ERICH1: variants seen among roughly 807,000 people sequenced by gnomAD.
ERICH1 encodes glutamate rich 1.
ERICH1 carries 56 observed loss-of-function variants against 39.6 expected under a neutral mutation model. The ratio of observed to expected loss-of-function variants is 1.41; its 90% CI spans 1.14 to 1.77. ERICH1 has a LOEUF of 1.77. Ranked by LOEUF, ERICH1 falls within the 40% of genes most tolerant of loss-of-function variation. ERICH1 has a pLI of 0.00. For missense variants in ERICH1, 826 were observed against 575.4 expected, an observed-to-expected ratio of 1.44 and a Z score of -4.45; for synonymous variants, 313 against 223.6, an observed-to-expected ratio of 1.40 and a Z score of -3.57.
In ERICH1 at chr8:720,852, A is replaced by G. The variant is rs1347488648; in HGVS notation, c.23-4845T>C. ...CCCACACACTCCTGGAGGTCACCGT[A>G]TCTGCTCCTTCGCTGGAATGAGCCT... On this transcript the variant is annotated intron_variant, in intron 1 of 5. Coordinates refer to ENST00000262109, the MANE Select transcript of ERICH1 (RefSeq NM_207332.3). 2.0e-5 allele frequency among the ~76,000 whole-genome samples: 3 copies of G among 152,208 alleles called. No homozygotes were observed. In the East Asian group the frequency reaches 5.8e-4, roughly 29 times the overall value.
At chr8:617,371 G>A (rs1433185443) in intron 3 of ERICH1, among the ~76,000 whole-genome samples, 1 of 152,310 alleles carries the variant, frequency 6.6e-6, no homozygotes, top group African/African-American at 2.4e-5. Context: ...CTCCATGCCT[G>A]CCTCACCGTT....
At chr8:628,766 G>A (rs1330847963) in intron 3 of ERICH1, among the ~76,000 whole-genome samples, 2 of 152,192 alleles carry the variant, frequency 1.3e-5, no homozygotes, top group East Asian at 3.8e-4. Context: ...CTGCAGCCCT[G>A]GGGTGAAAAT....
intron 3 of ERICH1, among the ~76,000 whole-genome samples, chr8:682,428 G>A (rs1029359977): frequency 9.2e-5 from 14 of 152,270 alleles, no homozygotes; most frequent in African/African-American, 3.4e-4. Context: ...GCTCTGACAC[G>A]GGCCCTTTTA....
intron 3 of ERICH1, among the ~76,000 whole-genome samples, chr8:622,084 G>A (rs1797317163): frequency 6.6e-6 from 1 of 152,110 alleles, no homozygotes; most frequent in South Asian, 2.1e-4. Flanking sequence ...ACCAAGCGTG[G>A]TGGCATGTGC....
chr8:730,339 T>C (rs1456900968), intron 1 of ERICH1, among the ~76,000 whole-genome samples: 1 of 152,240 alleles, frequency 6.6e-6, no homozygotes, highest in Admixed American at 6.5e-5. Context: ...TTTATAACTA[T>C]AGTTTGCCAT....
chr8:723,140 C>A (rs1193721838), intron 1 of ERICH1, among the ~76,000 whole-genome samples: 1 of 152,152 alleles, frequency 6.6e-6, no homozygotes, highest in African/African-American at 2.4e-5. Flanking sequence ...CACCTTCTCC[C>A]GCTCTCCCTC....
Position 708,681 on chromosome 8 carries a change from G to GTTTTTTTTTTTTT in ERICH1, c.169+7167_169+7179dup, listed in dbSNP as rs139731216. Among the ~76,000 whole-genome samples the GTTTTTTTTTTTTT allele has an allele frequency of 9.0e-4, 59 of 65,756 alleles. 8 individuals are homozygous for GTTTTTTTTTTTTT. The highest frequency in any genetic ancestry group is 1.9e-3 in the South Asian group (3 of 1,616). The allele number at this position is 65,756 out of a possible 152,430, so 43.1% of individuals were successfully genotyped here. ...GGGCTGAGTGGTTACGGGATAATGA[G>GTTTTTTTTTTTTT]TTTTTTTTTTTTTTTTTTTTTTTTT... On this transcript the variant is annotated intron_variant, in intron 2 of 5. Coordinates refer to ENST00000262109, the MANE Select transcript of ERICH1 (RefSeq NM_207332.3).
At chr8:630,536 G>C (rs1394986586) in intron 3 of ERICH1, among the ~76,000 whole-genome samples, 13 of 88,432 alleles carry the variant, frequency 1.5e-4, no homozygotes, top group East Asian at 3.3e-4. Flanking sequence ...CCTCCCGTGA[G>C]CACCCACACA....
Position 701,312 on chromosome 8 carries a change from C to T in ERICH1, c.170-8700G>A, listed in dbSNP as rs140251131. Among the ~76,000 whole-genome samples, 646 of 151,994 alleles carry T rather than the reference C, an allele frequency of 4.3e-3. 4 individuals are homozygous for T. Among genetic ancestry groups the T allele is most frequent in the Non-Finnish European group, 6.1e-3 (417 of 67,980 alleles). On this transcript the variant is annotated intron_variant, in intron 2 of 5. Coordinates refer to ENST00000262109, the MANE Select transcript of ERICH1 (RefSeq NM_207332.3). The stretch of plus-strand genomic sequence containing the variant: ...GCCGGACGGGAGCACGCCATACCTA[C>T]GGGTCTGCCCTGCTGGACGGGAGCA...
At chr8:688,764 G>C (rs899037434) in intron 3 of ERICH1, among the ~76,000 whole-genome samples, 1 of 152,176 alleles carries the variant, frequency 6.6e-6, no homozygotes, top group Non-Finnish European at 1.5e-5. Context: ...ACAATGAAAA[G>C]CTGAAATCTG....
chr8:616,707 G>C (rs561310546), intron 3 of ERICH1: 2 of 433,698 alleles, frequency 4.6e-6, no homozygotes, highest in East Asian at 1.4e-4. Flanking sequence ...GACAGGGAGA[G>C]AGATAGAGAC....
At chr8:668,381 A>G in intron 5 of ERICH1, 1 of 586,482 alleles carries the variant, frequency 1.7e-6, no homozygotes, top group Non-Finnish European at 3.0e-6. Context: ...GGAAACTTAG[A>G]CTGCACATGC....
chr8:717,720 G>C lies in ERICH1; in HGVS notation c.23-1713C>G, dbSNP rs182588119. Among the ~76,000 whole-genome samples, 4 of 152,368 alleles carry C rather than the reference G, an allele frequency of 2.6e-5. No individual in the cohort carries two copies. In the East Asian group the frequency reaches 5.8e-4, roughly 22 times the overall value. On this transcript the variant is annotated intron_variant, in intron 1 of 5. Transcript: ENST00000262109. ...GAGCTAAAGCCTTGCTGGGCCTGGG[G>C]CAGCCAACGCGGACATGTGGCTGAA...
chr8:674,569 G>A (rs981161000), intron 3 of ERICH1, among the ~76,000 whole-genome samples: 8 of 152,156 alleles, frequency 5.3e-5, no homozygotes, highest in Non-Finnish European at 1.0e-4. Flanking sequence ...CTCCCAAAGT[G>A]CTGGGATTTC....
intron 3 of ERICH1, among the ~76,000 whole-genome samples, chr8:617,040 C>T (rs68001941): frequency 0.79 from 96,118 of 121,522 alleles, 39,973 homozygotes; most frequent in East Asian, 0.99. Flanking sequence ...TCAGGACCAA[C>T]GAAATAATTC....
At chr8:682,812 G>GA (rs1806431290) in intron 3 of ERICH1, among the ~76,000 whole-genome samples, 1 of 152,180 alleles carries the variant, frequency 6.6e-6, no homozygotes, top group African/African-American at 2.4e-5. Flanking sequence ...CTTCTTACGT[G>GA]AAAGTAGGCT....
At chr8:655,354 G>C (rs189774364) in intron 3 of ERICH1, among the ~76,000 whole-genome samples, 1 of 152,358 alleles carries the variant, frequency 6.6e-6, no homozygotes, top group South Asian at 2.1e-4. Flanking sequence ...TAAGCCTGCA[G>C]AGAGGATTTC....
intron 3 of ERICH1, among the ~76,000 whole-genome samples, chr8:678,863 A>C (rs1425522185): frequency 6.6e-6 from 1 of 152,158 alleles, no homozygotes; most frequent in Non-Finnish European, 1.5e-5. Flanking sequence ...GATAGCAGAA[A>C]AGATAATGAC....
rs1291892469 is a variant in ERICH1 at position 648,526 on chromosome 8, A to G, written c.976+20072T>C. Among the ~76,000 whole-genome samples the G allele has an allele frequency of 3.3e-5, 2 of 61,496 alleles. 1 individual carries two copies. The highest frequency in any genetic ancestry group is 9.9e-5 in the Non-Finnish European group (2 of 20,300). 40.3% of individuals were successfully genotyped at this position (61,496 alleles called of 152,430 possible). ...GCAAAAAAAAAAAAAAAAAAAAAGA[A>G]TGTAGAGCAGATATCTGAACAAAGA... On this transcript the variant is annotated intron_variant, in intron 3 of 3. Coordinates refer to the ERICH1 transcript ENST00000522706.
Sources: gnomAD v4.1 joint callset for allele counts (sites outside exome capture counted in the v4.1 genomes callset) on GRCh38, gnomAD v4.1.1 for gene constraint, MANE v1.5 for transcripts, NCBI Gene and HGNC (gene_info 2026-07-23, HGNC 2026-07-21) for gene names.